PCDHGA4: variants seen among roughly 807,000 people sequenced by gnomAD.
PCDHGA4 encodes protocadherin gamma-A4.
Under a neutral mutation model 54.6 loss-of-function variants are expected in PCDHGA4, and 38 were observed. The observed-to-expected ratio is 0.70, with a 90% CI of 0.54 to 0.91. The LOEUF (loss-of-function observed/expected upper bound fraction) is 0.91, where lower values mean the gene tolerates loss of function less well. Ranked by LOEUF, PCDHGA4 falls within the 40% of genes least tolerant of loss-of-function variation. The probability of loss-of-function intolerance (pLI) is 0.00; values close to 1 mark genes in which losing one functional copy is unlikely to be tolerated. For synonymous variants in PCDHGA4, 511 were observed against 512.9 expected (o/e 1.00, Z 0.05); for missense variants, 1,298 against 1,220.9 (o/e 1.06, Z -0.94).
intron 1 of PCDHGA4, chr5:141,414,557 A>C: frequency 6.2e-7 from 1 of 1,613,906 alleles, no homozygotes. Flanking sequence ...CAAGTCTCCT[A>C]CTTTACCTAT....
rs150858414 is a variant in PCDHGA4, at chr5:141,363,022, A to G, written c.2514+5401A>G. ...GTTAATCACAGGGCATGGGTAGGACATTGTCCCATTGACTTGAAGACCAAC... is the reference window on the plus strand; with the variant it reads ...GTTAATCACAGGGCATGGGTAGGACGTTGTCCCATTGACTTGAAGACCAAC... On this transcript the variant is annotated intron_variant, in intron 1 of 3. Coordinates refer to ENST00000571252, the MANE Select transcript of PCDHGA4 (RefSeq NM_018917.4). Among the ~76,000 whole-genome samples the G allele has an allele frequency of 4.1e-3, 621 of 152,372 alleles. 7 individuals are homozygous for G. Among genetic ancestry groups the G allele is most frequent in the South Asian group, 0.03 (143 of 4,830 alleles).
At chr5:141,458,459 A>G (rs1232004043) in intron 1 of PCDHGA4, among the ~76,000 whole-genome samples, 1 of 152,006 alleles carries the variant, frequency 6.6e-6, no homozygotes, top group African/African-American at 2.4e-5. Flanking sequence ...AATTTTTAAA[A>G]TACCGTACAA....
At chr5:141,395,379 C>A in intron 1 of PCDHGA4, 1 of 1,139,610 alleles carries the variant, frequency 8.8e-7, no homozygotes, top group Non-Finnish European at 1.2e-6. Flanking sequence ...GGTGGTGTTA[C>A]TATAAAATTG....
rs1345224043 is a variant in PCDHGA4, at chr5:141,487,695, C to G, written c.2515-7112C>G. Reference sequence around the variant, plus strand: ...TGGCTAGGCCATGTCCTAGAGAGTACTGGCCTCTCAGTAAGTGCCCATAGT... The same window carrying G: ...TGGCTAGGCCATGTCCTAGAGAGTAGTGGCCTCTCAGTAAGTGCCCATAGT... On this transcript the variant is annotated intron_variant, in intron 1 of 3. Transcript: ENST00000571252. The surrounding 1 kb of genome is among the most constrained non-coding windows in gnomAD (Gnocchi z 5.0). 1 of 1,601,306 alleles carries G rather than the reference C, an allele frequency of 6.2e-7. No individual in the cohort carries two copies.
At chr5:141,371,305 T>A in intron 1 of PCDHGA4, 1 of 1,613,940 alleles carries the variant, frequency 6.2e-7, no homozygotes, top group Non-Finnish European at 8.5e-7. Context: ...CTCACCACTA[T>A]TGGAGAACTG....
At chr5:141,399,019 A>AC in intron 1 of PCDHGA4, 1 of 1,613,932 alleles carries the variant, frequency 6.2e-7, no homozygotes, top group Non-Finnish European at 8.5e-7. Context: ...CGGAGAAATT[A>AC]CCACTCAAAA....
chr5:141,415,119 G>A, intron 1 of PCDHGA4: 1 of 1,613,666 alleles, frequency 6.2e-7, no homozygotes, highest in African/African-American at 1.3e-5. Flanking sequence ...GCCTCGTAGT[G>A]GCCGTCCAGG....
At chr5:141,505,121 C>A (rs1194549194) in intron 2 of PCDHGA4, among the ~76,000 whole-genome samples, 1 of 152,168 alleles carries the variant, frequency 6.6e-6, no homozygotes, top group Non-Finnish European at 1.5e-5. Context: ...AAGATCGCGC[C>A]ACTGCACTCC....
chr5:141,372,648 T>C, intron 1 of PCDHGA4: 1 of 1,614,024 alleles, frequency 6.2e-7, no homozygotes, highest in Non-Finnish European at 8.5e-7. Flanking sequence ...GCCTTATTCC[T>C]ACAATCCGTG....
At chr5:141,446,894 A>C (rs1413761456) in intron 1 of PCDHGA4, among the ~76,000 whole-genome samples, 3 of 152,118 alleles carry the variant, frequency 2.0e-5, no homozygotes, top group Non-Finnish European at 2.9e-5. Flanking sequence ...TTCATGGCTG[A>C]GCTACTTTTG....
At chr5:141,460,453 A>G (rs1487816393) in intron 1 of PCDHGA4, among the ~76,000 whole-genome samples, 1 of 152,152 alleles carries the variant, frequency 6.6e-6, no homozygotes, top group Non-Finnish European at 1.5e-5. Flanking sequence ...ATGAAGATTC[A>G]TATTTTTTTC....
chr5:141,395,066 G>GACC, intron 1 of PCDHGA4: 1 of 1,614,136 alleles, frequency 6.2e-7, no homozygotes, highest in Non-Finnish European at 8.5e-7. Flanking sequence ...CTTTCCTGCA[G>GACC]ACCTATTCCC....
intron 1 of PCDHGA4, among the ~76,000 whole-genome samples, chr5:141,455,574 C>T (rs1214642742): frequency 6.6e-6 from 1 of 152,158 alleles, no homozygotes; most frequent in Non-Finnish European, 1.5e-5. Flanking sequence ...CCTCCCACCC[C>T]AGCCTTTTAA....
chr5:141,473,887 C>T (rs887871337), intron 1 of PCDHGA4, among the ~76,000 whole-genome samples: 3 of 152,144 alleles, frequency 2.0e-5, no homozygotes, highest in Non-Finnish European at 2.9e-5. Context: ...CACAAGGGTT[C>T]TGTTGGTTCA....
rs1254986724 is a variant in PCDHGA4, at chr5:141,490,928, C to G, written c.2515-3879C>G. ...CTAGACGAGAATGATAATGCCCCAGCTGTGCTGCACCCACGGCCAGACTGG... is the reference window on the plus strand; with the variant it reads ...CTAGACGAGAATGATAATGCCCCAGGTGTGCTGCACCCACGGCCAGACTGG... On this transcript the variant is annotated intron_variant, in intron 1 of 3. Transcript: ENST00000571252. The surrounding 1 kb of genome is among the most constrained non-coding windows in gnomAD (Gnocchi z 5.4). 2 of 1,613,466 alleles carry G rather than the reference C, an allele frequency of 1.2e-6. No homozygotes were observed. Among genetic ancestry groups the G allele is most frequent in the Non-Finnish European group, 1.7e-6 (2 of 1,179,624 alleles).
intron 1 of PCDHGA4, chr5:141,384,712 T>C (rs1479257673): frequency 6.2e-7 from 1 of 1,614,074 alleles, no homozygotes; most frequent in Admixed American, 1.7e-5. Flanking sequence ...CGCCTGGCTG[T>C]CATACCTCCT....
Position 141,490,602 on chromosome 5 carries a change from C to G in PCDHGA4, c.2515-4205C>G, listed in dbSNP as rs1249440194. On this transcript the variant is annotated intron_variant, in intron 1 of 3. Transcript: ENST00000571252. This position sits in a 1 kb window ranked among gnomAD's most constrained non-coding sequence, Gnocchi z 5.4. Reference sequence around the variant, plus strand: ...ATGTCAATGACAATGCACCCCGCTTCAACCAGCAGCTTTACACTGCTTACA... The same window carrying G: ...ATGTCAATGACAATGCACCCCGCTTGAACCAGCAGCTTTACACTGCTTACA... The G allele has an allele frequency of 6.2e-7, 1 of 1,614,084 alleles. No individual in the cohort carries two copies. Among genetic ancestry groups the G allele is most frequent in the African/African-American group, 1.3e-5 (1 of 74,930 alleles).
At chr5:141,381,850 G>T (rs1777668389) in intron 1 of PCDHGA4, among the ~76,000 whole-genome samples, 3 of 33,314 alleles carry the variant, frequency 9.0e-5, no homozygotes, top group Non-Finnish European at 5.3e-5. Flanking sequence ...TTTTTTTTTG[G>T]CAGAGTTTTG....
At chr5:141,361,561 G>T (rs1762075666) in intron 1 of PCDHGA4, 2 of 1,614,032 alleles carry the variant, frequency 1.2e-6, no homozygotes, top group Admixed American at 1.7e-5. Context: ...TCAAATCAGT[G>T]CCTCTGACCC....
Sources: gnomAD v4.1 joint callset for allele counts (sites outside exome capture counted in the v4.1 genomes callset) on GRCh38, gnomAD v4.1.1 for gene constraint, Gnocchi (gnomAD v3.1) non-coding constraint, MANE v1.5 for transcripts, NCBI Gene and HGNC (gene_info 2026-07-23, HGNC 2026-07-21) for gene names.